The following PTPRD variants were observed in gnomAD, a reference collection of about 807,000 sequenced individuals.
PTPRD encodes the protein protein tyrosine phosphatase receptor type D.
Under a neutral mutation model 214.5 loss-of-function variants are expected in PTPRD, and 34 were observed. That is an observed-to-expected ratio of 0.16 (90% CI 0.12 to 0.21). The LOEUF is 0.21. Among genes scored for constraint, PTPRD ranks in the 10% least tolerant of loss-of-function variants. The probability of loss-of-function intolerance (pLI) is 1.00; values close to 1 mark genes in which losing one functional copy is unlikely to be tolerated. For missense variants in PTPRD, 2,545 were observed against 2,398.7 expected (o/e 1.06, Z -1.27); for synonymous variants, 1,128 against 845.7 (o/e 1.33, Z -5.79).
chr9:9,396,576 G>A (rs10977726), intron 9 of PTPRD, among the ~76,000 whole-genome samples: 38,810 of 151,464 alleles, frequency 0.26, 5,103 homozygotes, highest in Middle Eastern at 0.3. Flanking sequence ...ATTTTTTTAC[G>A]CCTTCAAAAT....
chr9:10,048,488 G>C (rs1028680988), intron 3 of PTPRD, among the ~76,000 whole-genome samples: 3 of 151,882 alleles, frequency 2.0e-5, no homozygotes, highest in Non-Finnish European at 4.4e-5. Flanking sequence ...CTGTCTACTT[G>C]TTTTTATATT....
At chr9:8,904,841 G>T (rs893758374) in intron 11 of PTPRD, among the ~76,000 whole-genome samples, 2 of 152,002 alleles carry the variant, frequency 1.3e-5, no homozygotes, top group East Asian at 1.9e-4. Context: ...TCATATAATT[G>T]AGGTAAAAAT....
chr9:9,212,310 T>C (rs1398173162), intron 9 of PTPRD, among the ~76,000 whole-genome samples: 4 of 152,162 alleles, frequency 2.6e-5, no homozygotes, highest in Non-Finnish European at 2.9e-5. Flanking sequence ...ATATCACTAA[T>C]ACACATCAAA....
In PTPRD at chr9:8,315,857, A is replaced by AAATC. The variant is rs1278368884; in HGVS notation, c.*2013_*2016dup. Reference sequence around the variant, plus strand: ...CCTTGGGTATTTTGAGGATTATTTAAAATCATGTAATATGTGGCAAACTTA... The same window carrying AAATC: ...CCTTGGGTATTTTGAGGATTATTTAAAATCAATCATGTAATATGTGGCAAACTTA... On this transcript the variant is annotated 3_prime_UTR_variant, in exon 46 of 46. Transcript: ENST00000381196. 1.3e-5 allele frequency: 3 copies of AAATC among 224,792 alleles called. No individual in the cohort carries two copies. Among genetic ancestry groups the AAATC allele is most frequent in the Non-Finnish European group, 1.8e-5 (2 of 112,644 alleles). 13.9% of individuals were successfully genotyped at this position (224,792 alleles called of 1,614,324 possible).
At chr9:8,726,044 C>CACACAA (rs1555219633) in intron 12 of PTPRD, among the ~76,000 whole-genome samples, 3 of 146,330 alleles carry the variant, frequency 2.1e-5, no homozygotes, top group African/African-American at 7.7e-5. Flanking sequence ...CACACACACA[C>CACACAA]ACACACACAC....
intron 9 of PTPRD, among the ~76,000 whole-genome samples, chr9:9,372,145 T>C (rs2059685177): frequency 6.6e-6 from 1 of 152,118 alleles, no homozygotes; most frequent in African/African-American, 2.4e-5. Context: ...GGTGCAGAGC[T>C]GAGTTCAATT....
At position 9,341,122 on chromosome 9, in the gene PTPRD, G is replaced by C. The variant is rs1005038798; in HGVS notation, c.-203+56327C>G. Reference sequence around the variant, plus strand: ...AAATAAAATTGTAGTAAATATTTATGTGTATATATATATATATATCACAAA... The same window carrying C: ...AAATAAAATTGTAGTAAATATTTATCTGTATATATATATATATATCACAAA... On this transcript the variant is annotated intron_variant, in intron 9 of 45. Transcript: ENST00000381196. 1.3e-3 allele frequency among the ~76,000 whole-genome samples: 141 copies of C among 108,286 alleles called. 1 individual carries two copies. The highest frequency in any genetic ancestry group is 7.0e-3 in the African/African-American group (136 of 19,494). 71.0% of individuals were successfully genotyped at this position (108,286 alleles called of 152,430 possible). A position where few individuals can be genotyped will look rare whatever the true frequency, so the allele number is the denominator to read the frequency against.
At chr9:9,069,804 G>C (rs1354253277) in intron 10 of PTPRD, among the ~76,000 whole-genome samples, 2 of 152,148 alleles carry the variant, frequency 1.3e-5, no homozygotes, top group Non-Finnish European at 2.9e-5. Context: ...ACCAATCCTA[G>C]CAGCACTGGA....
chr9:9,377,941 G>T (rs2061234872), intron 9 of PTPRD, among the ~76,000 whole-genome samples: 1 of 151,744 alleles, frequency 6.6e-6, no homozygotes, highest in African/African-American at 2.4e-5. Flanking sequence ...AGTAGTTTTA[G>T]GTTTACAGCA....
chr9:9,547,317 T>C (rs903787269), intron 8 of PTPRD, among the ~76,000 whole-genome samples: 1 of 152,108 alleles, frequency 6.6e-6, no homozygotes, highest in Non-Finnish European at 1.5e-5. Flanking sequence ...CATATTCCAT[T>C]TGAAATGCTC....
intron 3 of PTPRD, among the ~76,000 whole-genome samples, chr9:10,316,170 T>TACATATACATATACATATACATATAC (rs2096421658): frequency 1.4e-5 from 2 of 146,934 alleles, no homozygotes; most frequent in African/African-American, 5.0e-5. Context: ...TATCTATGTA[T>TACATATACATATACATATACATATAC]ATATACATAG....
intron 9 of PTPRD, among the ~76,000 whole-genome samples, chr9:9,389,107 A>T (rs937592783): frequency 1.3e-5 from 2 of 152,228 alleles, no homozygotes; most frequent in Admixed American, 1.3e-4. Context: ...TGCCTCCATT[A>T]TAAGGTTGTG....
intron 11 of PTPRD, among the ~76,000 whole-genome samples, chr9:8,928,169 G>A (rs575489327): frequency 2.6e-4 from 40 of 152,244 alleles, no homozygotes; most frequent in East Asian, 2.5e-3. Flanking sequence ...TTACTCTGAC[G>A]ATAGTTTCTT....
intron 12 of PTPRD, among the ~76,000 whole-genome samples, chr9:8,698,427 G>C (rs2097981357): frequency 2.0e-5 from 3 of 152,238 alleles, no homozygotes; most frequent in Non-Finnish European, 4.4e-5. Context: ...GTTAACTGCG[G>C]AAATGTAGCA....
chr9:8,577,977 T>C (rs1435496824), intron 14 of PTPRD, among the ~76,000 whole-genome samples: 2 of 152,210 alleles, frequency 1.3e-5, no homozygotes, highest in East Asian at 3.9e-4. Flanking sequence ...CTTTGATGGT[T>C]TTCATCTTCC....
intron 9 of PTPRD, among the ~76,000 whole-genome samples, chr9:9,317,929 T>C (rs1456952151): frequency 1.3e-5 from 2 of 152,148 alleles, no homozygotes; most frequent in Non-Finnish European, 2.9e-5. Context: ...CCCAGCACTT[T>C]GGAAGGCCAA....
chr9:9,482,062 G>A (rs1007513322), intron 8 of PTPRD, among the ~76,000 whole-genome samples: 1 of 151,966 alleles, frequency 6.6e-6, no homozygotes. Context: ...ATCCCATTCA[G>A]CATCTGTATC....
intron 31 of PTPRD, among the ~76,000 whole-genome samples, chr9:8,470,047 T>C (rs943045277): frequency 6.6e-6 from 1 of 152,144 alleles, no homozygotes; most frequent in Non-Finnish European, 1.5e-5. Context: ...AATAAAAGAT[T>C]GTACTACAAG....
chr9:9,783,938 T>C (rs548646098), intron 5 of PTPRD, among the ~76,000 whole-genome samples: 2 of 150,646 alleles, frequency 1.3e-5, no homozygotes, highest in African/African-American at 4.9e-5. Context: ...ACTAAAGCCA[T>C]AGGTTAGCTG....
Sources: gnomAD v4.1 joint callset for allele counts (sites outside exome capture counted in the v4.1 genomes callset) on GRCh38, gnomAD v4.1.1 for gene constraint, MANE v1.5 for transcripts, NCBI Gene and HGNC (gene_info 2026-07-23, HGNC 2026-07-21) for gene names.